The following PCDH15 variants were observed in gnomAD, a reference collection of about 807,000 sequenced individuals.
PCDH15 encodes protocadherin related 15.
Under a neutral mutation model 178.5 loss-of-function variants are expected in PCDH15, and 129 were observed. The observed-to-expected ratio is 0.72, with a 90% CI of 0.63 to 0.84. The LOEUF (loss-of-function observed/expected upper bound fraction) is 0.84, where lower values mean the gene tolerates loss of function less well. PCDH15 is among the 40% of genes least tolerant of loss of function. The pLI is 0.00. For synonymous variants in PCDH15, 800 were observed against 732.0 expected, an observed-to-expected ratio of 1.09 and a Z score of -1.50; for missense variants, 2,230 against 2,099.9, an observed-to-expected ratio of 1.06 and a Z score of -1.21.
chr10:54,537,242 G>A (rs1289424958), intron 2 of PCDH15, among the ~76,000 whole-genome samples: 1 of 151,846 alleles, frequency 6.6e-6, no homozygotes, highest in Non-Finnish European at 1.5e-5. Context: ...CTTGTGATCC[G>A]CCCGCCTCGG....
At chr10:54,487,954 C>T (rs76655646) in intron 3 of PCDH15, among the ~76,000 whole-genome samples, 1,961 of 151,948 alleles carry the variant, frequency 0.013, 28 homozygotes, top group African/African-American at 0.045. Context: ...AAATCAAGGT[C>T]ACGTGATCAA....
chr10:55,409,194 T>G (rs994087735), intron 2 of PCDH15, among the ~76,000 whole-genome samples: 1 of 152,060 alleles, frequency 6.6e-6, no homozygotes, highest in African/African-American at 2.4e-5. Context: ...CACTCACATC[T>G]CTATGTGTAT....
At chr10:54,607,676 G>C (rs894417240) in intron 2 of PCDH15, among the ~76,000 whole-genome samples, 4 of 151,954 alleles carry the variant, frequency 2.6e-5, no homozygotes, top group African/African-American at 9.7e-5. Context: ...TAATAGACTA[G>C]AGGGTAATGG....
At chr10:54,166,706 C>T (rs146843507) in intron 13 of PCDH15, among the ~76,000 whole-genome samples, 1 of 152,198 alleles carries the variant, frequency 6.6e-6, no homozygotes, top group African/African-American at 2.4e-5. Flanking sequence ...GCCAAGCCAT[C>T]GCATCCCCTG....
chr10:54,104,791 C>T lies in PCDH15; in HGVS notation c.1918-14728G>A, dbSNP rs188722838. Among the ~76,000 whole-genome samples the T allele has an allele frequency of 7.0e-5, 10 of 142,466 alleles. No homozygotes were observed. The East Asian group carries it at 1.3e-3, about 19-fold the overall frequency. The allele number at this position is 142,466 out of a possible 152,430, so 93.5% of individuals were successfully genotyped here. The stretch of plus-strand genomic sequence containing the variant: ...GGTGGAGCTTGCAGAGAGCCAAGAT[C>T]GCGCCACTGCACTCCAGCCTGGCTG... On this transcript the variant is annotated intron_variant, in intron 15 of 37. Coordinates refer to ENST00000644397, the MANE Select transcript of PCDH15 (RefSeq NM_001384140.1).
chr10:54,434,897 TA>T (rs1324687944), intron 3 of PCDH15, among the ~76,000 whole-genome samples: 1 of 152,206 alleles, frequency 6.6e-6, no homozygotes, highest in East Asian at 1.9e-4. Flanking sequence ...TGACTTGGAG[TA>T]CCAGGTATAT....
rs543342066 is a variant in PCDH15 at position 54,968,132 on chromosome 10, C to T, written c.-79-70632G>A. Among the ~76,000 whole-genome samples, 6 of 152,264 alleles carry T rather than the reference C, an allele frequency of 3.9e-5. No homozygotes were observed. In the South Asian group the frequency reaches 1.2e-3, roughly 32 times the overall value. On this transcript the variant is annotated intron_variant, in intron 2 of 5. Transcript: ENST00000458638. Reference sequence around the variant, plus strand: ...ATACATACATATAGGAATGGAAAGCCTGGGCTTAATGGTAGACGTATATAT... The same window carrying T: ...ATACATACATATAGGAATGGAAAGCTTGGGCTTAATGGTAGACGTATATAT...
chr10:54,340,233 C>T (rs1428317682), intron 6 of PCDH15, among the ~76,000 whole-genome samples: 1 of 152,078 alleles, frequency 6.6e-6, no homozygotes, highest in Non-Finnish European at 1.5e-5. Flanking sequence ...ATCTACATAT[C>T]TAATATGCAT....
At chr10:54,565,362 A>G (rs1295431072) in intron 2 of PCDH15, among the ~76,000 whole-genome samples, 1 of 152,058 alleles carries the variant, frequency 6.6e-6, no homozygotes, top group Non-Finnish European at 1.5e-5. Context: ...CTGTGAATCA[A>G]CCTCTGGTCC....
At chr10:55,057,546 G>A (rs1841334364) in intron 2 of PCDH15, among the ~76,000 whole-genome samples, 2 of 152,278 alleles carry the variant, frequency 1.3e-5, no homozygotes, top group South Asian at 4.1e-4. Flanking sequence ...ACAAGTTGCT[G>A]TGGGAAGCTT....
At chr10:55,081,487 T>C (rs1004655862) in intron 2 of PCDH15, among the ~76,000 whole-genome samples, 1 of 152,184 alleles carries the variant, frequency 6.6e-6, no homozygotes, top group African/African-American at 2.4e-5. Flanking sequence ...TTCATCTTAA[T>C]GTTTGCTTAC....
At chr10:54,931,238 G>C (rs1301634699) in intron 2 of PCDH15, among the ~76,000 whole-genome samples, 2 of 152,120 alleles carry the variant, frequency 1.3e-5, no homozygotes, top group Admixed American at 6.6e-5. Context: ...CATTTTGCAA[G>C]TGTTTTCTGG....
chr10:54,599,940 G>T, intron 2 of PCDH15: 1 of 897,292 alleles, frequency 1.1e-6, no homozygotes, highest in South Asian at 1.4e-5. Flanking sequence ...AGGAGGAGTT[G>T]GTGGCAGACA....
chr10:53,878,391 T>G (rs1177487361), intron 26 of PCDH15, among the ~76,000 whole-genome samples: 1 of 144,998 alleles, frequency 6.9e-6, no homozygotes. Flanking sequence ...ATAGTCTATA[T>G]ATATACTATA....
intron 3 of PCDH15, among the ~76,000 whole-genome samples, chr10:54,861,547 T>C (rs960167131): frequency 2.6e-5 from 4 of 152,054 alleles, no homozygotes; most frequent in Non-Finnish European, 5.9e-5. Context: ...GGAACATACT[T>C]CATAATAATA....
intron 18 of PCDH15, among the ~76,000 whole-genome samples, chr10:54,047,787 G>T (rs1223686421): frequency 6.6e-6 from 1 of 152,054 alleles, no homozygotes; most frequent in Non-Finnish European, 1.5e-5. Context: ...TGCTATATAT[G>T]TACCATATTT....
rs971224229 is a variant in PCDH15 at position 54,346,235 on chromosome 10, A to G, written c.594+130T>C. On this transcript the variant is annotated intron_variant, in intron 6 of 37. Coordinates refer to ENST00000644397, the MANE Select transcript of PCDH15 (RefSeq NM_001384140.1). ...ATTACAAATAATTCAATTTTGAGAC[A>G]TTTTTAAATAATAGTATCATTACTA... The G allele has an allele frequency of 5.7e-6, 5 of 877,076 alleles. No individual in the cohort carries two copies. The African/African-American group carries it at 8.5e-5, about 15-fold the overall frequency. The allele number at this position is 877,076 out of a possible 1,614,324, so 54.3% of individuals were successfully genotyped here.
At chr10:54,196,324 A>G (rs1156756923) in intron 10 of PCDH15, among the ~76,000 whole-genome samples, 2 of 151,810 alleles carry the variant, frequency 1.3e-5, no homozygotes, top group African/African-American at 4.8e-5. Context: ...TTGTATTTTT[A>G]GTAGAGACAG....
At chr10:54,343,903 A>G (rs988531082) in intron 6 of PCDH15, among the ~76,000 whole-genome samples, 1 of 152,174 alleles carries the variant, frequency 6.6e-6, no homozygotes, top group Non-Finnish European at 1.5e-5. Flanking sequence ...TCATATATTA[A>G]ATAAAATAGT....
Sources: allele counts gnomAD v4.1 joint callset (sites outside exome capture counted in the v4.1 genomes callset), GRCh38; gene constraint gnomAD v4.1.1; transcripts MANE v1.5; gene names NCBI Gene and HGNC (gene_info 2026-07-23, HGNC 2026-07-21).